The following GAS7 variants were observed in gnomAD, a reference collection of about 807,000 sequenced individuals.
GAS7 encodes growth arrest specific 7.
A neutral mutation model predicts 71.1 loss-of-function variants in GAS7; 28 were observed. The observed-to-expected ratio is 0.39, with a 90% CI of 0.29 to 0.54. The LOEUF is 0.54. Ranked by LOEUF, GAS7 falls within the 20% of genes least tolerant of loss-of-function variation. The probability of loss-of-function intolerance (pLI) is 0.62; values close to 1 mark genes in which losing one functional copy is unlikely to be tolerated. For synonymous variants in GAS7, 258 were observed against 245.8 expected (o/e 1.05, Z -0.46); for missense variants, 436 against 627.8 (o/e 0.69, Z 3.27).
intron 1 of GAS7, among the ~76,000 whole-genome samples, chr17:10,146,211 A>C (rs1349017337): frequency 1.3e-5 from 2 of 152,184 alleles, no homozygotes; most frequent in Admixed American, 1.3e-4. Flanking sequence ...ATCTGGGCCC[A>C]AAACTAGTAT....
chr17:10,164,733 C>T (rs1041820596), intron 1 of GAS7, among the ~76,000 whole-genome samples: 2 of 151,234 alleles, frequency 1.3e-5, no homozygotes, highest in Non-Finnish European at 2.9e-5. Context: ...TGGCTCACAC[C>T]TATAATCTCA....
At chr17:10,096,514 C>G (rs1194950325) in intron 1 of GAS7, among the ~76,000 whole-genome samples, 1 of 152,234 alleles carries the variant, frequency 6.6e-6, no homozygotes, top group Non-Finnish European at 1.5e-5. Context: ...CTGCATACCC[C>G]ACAGTGGCCT....
intron 3 of GAS7, among the ~76,000 whole-genome samples, chr17:9,972,564 T>C (rs1461286471): frequency 1.3e-5 from 2 of 152,180 alleles, no homozygotes; most frequent in African/African-American, 4.8e-5. Flanking sequence ...CTGATTGAAA[T>C]AGATGTAGTA....
intron 1 of GAS7, among the ~76,000 whole-genome samples, chr17:10,147,256 G>A (rs1000585539): frequency 5.9e-5 from 9 of 152,254 alleles, no homozygotes; most frequent in South Asian, 2.1e-4. Context: ...TGTGTGCCTG[G>A]TTTATGGCTT....
chr17:10,185,078 A>C (rs2074442403), intron 1 of GAS7, among the ~76,000 whole-genome samples: 1 of 152,084 alleles, frequency 6.6e-6, no homozygotes, highest in Non-Finnish European at 1.5e-5. Flanking sequence ...GGCGCGTGCC[A>C]CCACACCAGG....
intron 1 of GAS7, among the ~76,000 whole-genome samples, chr17:10,128,723 C>A (rs1022335485): frequency 1.3e-5 from 2 of 151,760 alleles, no homozygotes; most frequent in Non-Finnish European, 2.9e-5. Context: ...GGGTTCACAC[C>A]ATTCTCCTGC....
chr17:9,913,130 A>T lies in GAS7; in HGVS notation c.*4098T>A, dbSNP rs942625126. ...CAAGACACTAAATTTGTCAAAATTC[A>T]CAGAGCTGTATATTTCCAAAGGGTG... On this transcript the variant is annotated 3_prime_UTR_variant, in exon 14 of 14. Coordinates refer to ENST00000432992, the MANE Select transcript of GAS7 (RefSeq NM_201433.2). 2.2e-5 allele frequency: 5 copies of T among 232,476 alleles called. No homozygotes were observed. The highest frequency in any genetic ancestry group is 1.1e-4 in the African/African-American group (5 of 45,322). The allele number at this position is 232,476 out of a possible 1,614,324, so 14.4% of individuals were successfully genotyped here.
At chr17:10,129,276 G>A (rs1008217038) in intron 1 of GAS7, among the ~76,000 whole-genome samples, 5 of 152,190 alleles carry the variant, frequency 3.3e-5, no homozygotes, top group South Asian at 2.1e-4. Context: ...GCTTATGCCT[G>A]TAATCCCAGC....
At chr17:10,079,541 C>T (rs1355277374) in intron 1 of GAS7, among the ~76,000 whole-genome samples, 15 of 152,196 alleles carry the variant, frequency 9.9e-5, no homozygotes, top group Non-Finnish European at 2.2e-4. Flanking sequence ...TTGCAACATT[C>T]CTTTCTATTG....
intron 1 of GAS7, among the ~76,000 whole-genome samples, chr17:10,126,178 G>A (rs112835112): frequency 2.3e-4 from 35 of 152,332 alleles, no homozygotes; most frequent in African/African-American, 7.9e-4. Context: ...GGTTAAATGG[G>A]GGAGTCGCTT....
intron 1 of GAS7, among the ~76,000 whole-genome samples, chr17:10,058,006 G>A (rs2073170683): frequency 6.6e-6 from 1 of 152,202 alleles, no homozygotes; most frequent in Non-Finnish European, 1.5e-5. Flanking sequence ...AATGGATTAA[G>A]GGCAGTGCAA....
At chr17:10,132,855 T>C (rs1025013116) in intron 1 of GAS7, among the ~76,000 whole-genome samples, 1 of 152,082 alleles carries the variant, frequency 6.6e-6, no homozygotes, top group Non-Finnish European at 1.5e-5. Flanking sequence ...TAGCAACATT[T>C]AAAATTTCAT....
Position 9,958,415 on chromosome 17 carries a change from A to G in GAS7, c.525+787T>C, listed in dbSNP as rs546218535. On this transcript the variant is annotated intron_variant, in intron 5 of 13. Transcript: ENST00000432992. ...CTGGACGAAGCAGGGAAATGCACCC[A>G]CTCTTGGTTTTGTCTCCACAGGGGT... Among the ~76,000 whole-genome samples the G allele has an allele frequency of 2.2e-3, 338 of 152,120 alleles. 4 individuals are homozygous for G. The highest frequency in any genetic ancestry group is 0.01 in the Middle Eastern group (3 of 294).
At chr17:10,058,749 T>A (rs780023989) in intron 1 of GAS7, among the ~76,000 whole-genome samples, 1 of 152,204 alleles carries the variant, frequency 6.6e-6, no homozygotes, top group Non-Finnish European at 1.5e-5. Context: ...AGGTTCACAC[T>A]GGCCGTAACA....
intron 1 of GAS7, among the ~76,000 whole-genome samples, chr17:10,143,855 C>G (rs953501528): frequency 6.6e-6 from 1 of 152,200 alleles, no homozygotes. Context: ...CAAACTCACA[C>G]GTGTCTGTCA....
At chr17:10,035,141 T>C (rs2072716677) in intron 1 of GAS7, among the ~76,000 whole-genome samples, 1 of 118,486 alleles carries the variant, frequency 8.4e-6, no homozygotes, top group South Asian at 2.5e-4. Flanking sequence ...CCCTTCAGTG[T>C]TCTTCTTCTC....
chr17:10,020,360 C>T (rs2072219768), intron 1 of GAS7, among the ~76,000 whole-genome samples: 1 of 152,160 alleles, frequency 6.6e-6, no homozygotes, highest in South Asian at 2.1e-4. Flanking sequence ...ATCCCACAGC[C>T]AGATGCAAAA....
chr17:10,025,600 A>G (rs1269241349), intron 1 of GAS7, among the ~76,000 whole-genome samples: 1 of 150,344 alleles, frequency 6.7e-6, no homozygotes, highest in Admixed American at 6.6e-5. Context: ...AAAAAAAAGC[A>G]GGCAAGCAAA....
chr17:9,921,761 C>T (rs2067818618), intron 11 of GAS7, among the ~76,000 whole-genome samples: 1 of 151,998 alleles, frequency 6.6e-6, no homozygotes, highest in South Asian at 2.1e-4. Flanking sequence ...ACATCGAGAC[C>T]ATCCTGGCTA....
Sources: gnomAD v4.1 joint callset for allele counts (sites outside exome capture counted in the v4.1 genomes callset) on GRCh38, gnomAD v4.1.1 for gene constraint, MANE v1.5 for transcripts, NCBI Gene and HGNC (gene_info 2026-07-23, HGNC 2026-07-21) for gene names.